Variants in SSPN observed in about 807,000 individuals in gnomAD.
The protein encoded by SSPN is K-ras oncogene-associated protein.
A neutral mutation model predicts 19.1 loss-of-function variants in SSPN; 15 were observed. The observed-to-expected ratio is 0.78, with a 90% confidence interval of 0.52 to 1.21. SSPN has a LOEUF of 1.21. Ranked by LOEUF, SSPN falls within the 50% of genes most tolerant of loss-of-function variation. SSPN has a pLI of 0.00. For missense variants in SSPN, 291 were observed against 314.0 expected (o/e 0.93, Z 0.55); for synonymous variants, 147 against 140.3 (o/e 1.05, Z -0.34).
chr12:26,218,369 G>A (rs1256373057), intron 1 of SSPN, among the ~76,000 whole-genome samples: 2 of 47,158 alleles, frequency 4.2e-5, no homozygotes. Context: ...GGATAGCATC[G>A]GGAGATATAC....
chr12:26,124,169 T>C, intron 1 of SSPN: 1 of 1,598,880 alleles, frequency 6.3e-7, no homozygotes, highest in Admixed American at 1.7e-5. Flanking sequence ...GTGCGGTAAT[T>C]TGTAGGTATC....
intron 1 of SSPN, among the ~76,000 whole-genome samples, chr12:26,214,045 T>C (rs748259739): frequency 2.4e-4 from 36 of 152,296 alleles, no homozygotes; most frequent in Non-Finnish European, 4.7e-4. Context: ...ACATCTGTTA[T>C]TCATTTTCAG....
chr12:26,147,266 G>GTTT (rs145504465), intron 1 of SSPN, among the ~76,000 whole-genome samples: 2 of 128,444 alleles, frequency 1.6e-5, no homozygotes, highest in Non-Finnish European at 3.2e-5. Context: ...TAATTTTTGG[G>GTTT]GTTTTTTTTG....
chr12:26,191,931 TA>T (rs1386643676), upstream of SSPN, among the ~76,000 whole-genome samples: 2 of 152,354 alleles, frequency 1.3e-5, no homozygotes, highest in Non-Finnish European at 2.9e-5. Flanking sequence ...GGAAATGTAA[TA>T]ATTTTTTTCT....
intron 1 of SSPN, among the ~76,000 whole-genome samples, chr12:26,159,600 G>A (rs1944575840): frequency 6.6e-6 from 1 of 152,168 alleles, no homozygotes; most frequent in Non-Finnish European, 1.5e-5. Flanking sequence ...CATGTTTTAA[G>A]AAGTAGAATT....
At chr12:26,217,908 G>T (rs1343803034) in intron 1 of SSPN, among the ~76,000 whole-genome samples, 2 of 152,144 alleles carry the variant, frequency 1.3e-5, no homozygotes, top group Non-Finnish European at 2.9e-5. Context: ...AGTCAGTATG[G>T]CGATTCCTCA....
intron 1 of SSPN, chr12:26,122,939 A>G (rs1944326650): frequency 1.3e-6 from 2 of 1,552,654 alleles, no homozygotes; most frequent in Non-Finnish European, 1.7e-6. Context: ...CGGCCGAGGG[A>G]GCGCCGGTGC....
intron 1 of SSPN, among the ~76,000 whole-genome samples, chr12:26,215,331 G>T (rs1175059280): frequency 6.6e-6 from 1 of 152,154 alleles, no homozygotes; most frequent in South Asian, 2.1e-4. Flanking sequence ...TCTGTAGGCT[G>T]ATTGTAGGGA....
intron 1 of SSPN, among the ~76,000 whole-genome samples, chr12:26,149,730 G>A (rs1944513729): frequency 6.6e-6 from 1 of 152,202 alleles, no homozygotes; most frequent in South Asian, 2.1e-4. Flanking sequence ...AGCATGTGCT[G>A]TAATTTTTGT....
upstream of SSPN, among the ~76,000 whole-genome samples, chr12:26,192,892 A>T (rs1173838622): frequency 7.1e-6 from 1 of 141,184 alleles, no homozygotes; most frequent in Non-Finnish European, 1.6e-5. Flanking sequence ...AATGTATAGC[A>T]ATATCCTACT....
intron 1 of SSPN, 26 bp downstream of exon 1, chr12:26,195,977 A>C (rs763436058): frequency 1.4e-6 from 2 of 1,448,128 alleles, no homozygotes; most frequent in Non-Finnish European, 1.8e-6. Context: ...GTTTTGCCTA[A>C]GCGCGTTTGC....
At chr12:26,182,819 G>A (rs1023654241) in intron 1 of SSPN, among the ~76,000 whole-genome samples, 3 of 148,770 alleles carry the variant, frequency 2.0e-5, no homozygotes, top group African/African-American at 7.5e-5. Context: ...CTGAAGTGAA[G>A]TAGGGCAATC....
intron 1 of SSPN, among the ~76,000 whole-genome samples, chr12:26,216,356 G>C (rs1945049518): frequency 6.6e-6 from 1 of 151,892 alleles, no homozygotes. Context: ...GTGTTTTTTG[G>C]CTGCATAAAT....
chr12:26,161,800 G>T (rs1378031646), intron 1 of SSPN, among the ~76,000 whole-genome samples: 1 of 152,184 alleles, frequency 6.6e-6, no homozygotes, highest in East Asian at 1.9e-4. Context: ...TTTTCATAAA[G>T]AGCACAACCT....
chr12:26,213,170 C>G (rs934822559), intron 1 of SSPN, among the ~76,000 whole-genome samples: 1 of 151,594 alleles, frequency 6.6e-6, no homozygotes, highest in African/African-American at 2.4e-5. Context: ...TGTAAAACCA[C>G]AGTAGTGTAA....
intron 1 of SSPN, among the ~76,000 whole-genome samples, chr12:26,160,574 A>G (rs935723233): frequency 1.3e-5 from 2 of 152,214 alleles, no homozygotes; most frequent in African/African-American, 2.4e-5. Context: ...AACAATATCA[A>G]TATACGTGGA....
At chr12:26,161,460 G>A (rs1180463279) in intron 1 of SSPN, among the ~76,000 whole-genome samples, 35 of 152,090 alleles carry the variant, frequency 2.3e-4, no homozygotes. Flanking sequence ...CTGCCCCATC[G>A]AATTCTGCAA....
chr12:26,127,376 A>G (rs922521456), intron 1 of SSPN, among the ~76,000 whole-genome samples: 2 of 152,196 alleles, frequency 1.3e-5, no homozygotes, highest in African/African-American at 4.8e-5. Flanking sequence ...GCAGCACCCC[A>G]TAATTTAAAG....
intron 1 of SSPN, among the ~76,000 whole-genome samples, chr12:26,147,733 G>A (rs1944501436): frequency 6.6e-6 from 1 of 152,154 alleles, no homozygotes; most frequent in Admixed American, 6.5e-5. Context: ...GACTTTTAAG[G>A]GAGCAAGTGC....
Sources: allele counts gnomAD v4.1 joint callset (sites outside exome capture counted in the v4.1 genomes callset), GRCh38; gene constraint gnomAD v4.1.1; transcripts MANE v1.5; gene names NCBI Gene and HGNC (gene_info 2026-07-23, HGNC 2026-07-21).